DPP6: variants seen among roughly 807,000 people sequenced by gnomAD.
DPP6 encodes A-type potassium channel modulatory protein DPP6.
In DPP6, 69 loss-of-function variants were observed where a neutral mutation model predicts 122.6. That is an observed-to-expected ratio of 0.56 (90% CI 0.46 to 0.69). The LOEUF (loss-of-function observed/expected upper bound fraction) is 0.69. Ranked by LOEUF, DPP6 falls within the 30% of genes least tolerant of loss-of-function variation. DPP6 has a pLI of 0.00. For synonymous variants in DPP6, 418 were observed against 433.1 expected (o/e 0.97, Z 0.43); for missense variants, 928 against 1,116.9 (o/e 0.83, Z 2.41).
At chr7:154,673,537 G>A (rs1462852556) in intron 7 of DPP6, among the ~76,000 whole-genome samples, 2 of 152,196 alleles carry the variant, frequency 1.3e-5, no homozygotes, top group Non-Finnish European at 2.9e-5. Context: ...GTGGGTGGGA[G>A]GAGGCCCCCA....
rs1383467680 is a variant in DPP6, at chr7:153,966,553, GCTTTTTTTTTTTTTTT to G, written c.51+78820_51+78835del. 8.7e-4 allele frequency among the ~76,000 whole-genome samples: 50 copies of G among 57,634 alleles called. 3 individuals are homozygous for G. The highest frequency in any genetic ancestry group is 2.4e-3 in the African/African-American group (43 of 18,220). The allele number at this position is 57,634 out of a possible 152,430, so 37.8% of individuals were successfully genotyped here. A position where few individuals can be genotyped will look rare whatever the true frequency, so the allele number is the denominator to read the frequency against. ...TAATTAAACGGTCTGTCCTGTGTTGGCTTTTTTTTTTTTTTTTTTTTTTTTTTTTTTTTTACTGCAT... is the reference window on the plus strand; with the variant it reads ...TAATTAAACGGTCTGTCCTGTGTTGGTTTTTTTTTTTTTTTTTTACTGCAT... On this transcript the variant is annotated intron_variant, in intron 1 of 25. Coordinates refer to the DPP6 transcript ENST00000404039.
At chr7:154,535,667 G>A (rs1286048855) in intron 3 of DPP6, among the ~76,000 whole-genome samples, 1 of 150,164 alleles carries the variant, frequency 6.7e-6, no homozygotes, top group Admixed American at 6.6e-5. Flanking sequence ...AATGCTTAAA[G>A]GACTCAGTAA....
intron 12 of DPP6, among the ~76,000 whole-genome samples, chr7:154,797,723 C>T (rs1252000996): frequency 2.6e-5 from 4 of 152,114 alleles, no homozygotes; most frequent in African/African-American, 9.7e-5. Context: ...GGTGGCTGCA[C>T]GTCATTGTGA....
At chr7:153,778,749 G>T in the DPP6 span, among the ~76,000 whole-genome samples, 1 of 151,944 alleles carries the variant, frequency 6.6e-6, no homozygotes, top group Non-Finnish European at 1.5e-5. Context: ...ATGTGAAACG[G>T]AGCAGCTACT....
chr7:154,478,264 T>C (rs901091679), intron 3 of DPP6, among the ~76,000 whole-genome samples: 1 of 152,162 alleles, frequency 6.6e-6, no homozygotes, highest in African/African-American at 2.4e-5. Flanking sequence ...TATTAGAACA[T>C]TAATTCATTC....
intron 2 of DPP6, among the ~76,000 whole-genome samples, chr7:154,470,953 C>A (rs1028834658): frequency 6.6e-6 from 1 of 152,026 alleles, no homozygotes; most frequent in Non-Finnish European, 1.5e-5. Context: ...AAATAAATAA[C>A]GAAAAACACA....
rs146921445 is a variant in DPP6 at position 154,652,518 on chromosome 7, C to T, written c.680+14645C>T. On this transcript the variant is annotated intron_variant, in intron 6 of 25. Coordinates refer to ENST00000377770, the MANE Select transcript of DPP6 (RefSeq NM_130797.4). ...GATGCAGCTCTCTGGGAGAAGGGAG[C>T]GTTTATCAGGGACCACAGTGACAGA... Among the ~76,000 whole-genome samples, 1,262 of 151,744 alleles carry T rather than the reference C, an allele frequency of 8.3e-3. 6 individuals carry two copies. The highest frequency in any genetic ancestry group is 0.015 in the Non-Finnish European group (999 of 67,962).
intron 13 of DPP6, 55 bp downstream of exon 13, chr7:154,801,517 G>A: frequency 6.6e-7 from 1 of 1,513,768 alleles, no homozygotes; most frequent in Non-Finnish European, 8.9e-7. Context: ...TAGAGGCCGT[G>A]GGGTGACAGC....
At chr7:154,803,648 C>T (rs756587275) in intron 13 of DPP6, among the ~76,000 whole-genome samples, 5 of 152,170 alleles carry the variant, frequency 3.3e-5, no homozygotes, top group Non-Finnish European at 5.9e-5. Flanking sequence ...CACTGACATT[C>T]GGGGGTCGGG....
intron 1 of DPP6, among the ~76,000 whole-genome samples, chr7:153,976,512 C>A (rs771958508): frequency 6.6e-6 from 1 of 152,122 alleles, no homozygotes; most frequent in Non-Finnish European, 1.5e-5. Context: ...AAACTGCACT[C>A]GTACGTTTAA....
intron 4 of DPP6, among the ~76,000 whole-genome samples, chr7:154,565,148 AG>A (rs1435637900): frequency 2.0e-5 from 3 of 152,224 alleles, no homozygotes; most frequent in African/African-American, 7.2e-5. Context: ...ATATTCAATA[AG>A]GTGTCCTTAA....
chr7:154,171,518 G>C (rs1797533515), intron 1 of DPP6, among the ~76,000 whole-genome samples: 1 of 152,148 alleles, frequency 6.6e-6, no homozygotes, highest in Admixed American at 6.5e-5. Flanking sequence ...TGGGTGGGTA[G>C]GGGGCTAATT....
At chr7:153,933,522 G>C (rs1801273635) in intron 1 of DPP6, among the ~76,000 whole-genome samples, 1 of 152,150 alleles carries the variant, frequency 6.6e-6, no homozygotes. Context: ...AATTTCTCTG[G>C]ATGCTTCACT....
At chr7:154,213,966 T>C (rs1799867875) in intron 1 of DPP6, among the ~76,000 whole-genome samples, 1 of 152,124 alleles carries the variant, frequency 6.6e-6, no homozygotes, top group Non-Finnish European at 1.5e-5. Context: ...GCTGAGCAAA[T>C]GGGAAGATGG....
intron 1 of DPP6, among the ~76,000 whole-genome samples, chr7:153,903,189 A>T (rs1370546641): frequency 6.6e-6 from 1 of 152,182 alleles, no homozygotes; most frequent in Non-Finnish European, 1.5e-5. Context: ...TCAGCCATAT[A>T]CTTGGAGCAG....
At chr7:154,782,183 G>A (rs1410227261) in intron 10 of DPP6, among the ~76,000 whole-genome samples, 1 of 152,158 alleles carries the variant, frequency 6.6e-6, no homozygotes, top group African/African-American at 2.4e-5. Flanking sequence ...GACTAGATGC[G>A]CTTGGATGCA....
chr7:154,738,621 A>G lies in DPP6; in HGVS notation c.883+10734A>G, dbSNP rs530231297. 2.0e-5 allele frequency among the ~76,000 whole-genome samples: 3 copies of G among 152,374 alleles called. No homozygotes were observed. The South Asian group carries it at 6.2e-4, about 32-fold the overall frequency. On this transcript the variant is annotated intron_variant, in intron 8 of 25. Transcript: ENST00000377770. ...GGCAGTAGTACACAATGAAGAAGGAACAATATTCTGCTTTTGGAATATTTA... is the reference window on the plus strand; with the variant it reads ...GGCAGTAGTACACAATGAAGAAGGAGCAATATTCTGCTTTTGGAATATTTA...
At chr7:154,294,952 G>A (rs569485856) in intron 1 of DPP6, among the ~76,000 whole-genome samples, 52 of 152,246 alleles carry the variant, frequency 3.4e-4, no homozygotes, top group African/African-American at 1.2e-3. Flanking sequence ...CGCTGCCGTC[G>A]CCAAGGTCAT....
chr7:154,470,973 G>A (rs188571606), intron 2 of DPP6, among the ~76,000 whole-genome samples: 82 of 152,288 alleles, frequency 5.4e-4, no homozygotes, highest in African/African-American at 1.7e-3. Flanking sequence ...AGCTGCAGCC[G>A]GGCATGGTAG....
Sources: allele counts gnomAD v4.1 joint callset (sites outside exome capture counted in the v4.1 genomes callset), GRCh38; gene constraint gnomAD v4.1.1; transcripts MANE v1.5; gene names NCBI Gene and HGNC (gene_info 2026-07-23, HGNC 2026-07-21).